The following FAM163A variants were observed in gnomAD, a reference collection of about 807,000 sequenced individuals.
The protein encoded by FAM163A is protein FAM163A.
Under a neutral mutation model 12.0 loss-of-function variants are expected in FAM163A, and 7 were observed. The ratio of observed to expected loss-of-function variants is 0.58; its 90% CI spans 0.33 to 1.10. The LOEUF is 1.10. Ranked by LOEUF, FAM163A falls within the 50% of genes least tolerant of loss-of-function variation. The pLI is 0.03. For synonymous variants in FAM163A, 101 were observed against 91.0 expected (o/e 1.11, Z -0.62); for missense variants, 202 against 218.6 (o/e 0.92, Z 0.48).
intron 1 of FAM163A, among the ~76,000 whole-genome samples, chr1:179,752,857 A>G (rs566803977): frequency 6.6e-6 from 1 of 152,312 alleles, no homozygotes; most frequent in African/African-American, 2.4e-5. Flanking sequence ...GGGATGTAAA[A>G]TGGTGCAGTC....
chr1:179,757,647 A>G (rs1271540558), intron 1 of FAM163A, among the ~76,000 whole-genome samples: 1 of 152,180 alleles, frequency 6.6e-6, no homozygotes, highest in Non-Finnish European at 1.5e-5. Context: ...CTCCATCTCT[A>G]TTAAAAATAC....
chr1:179,755,136 C>CAAAA (rs35201060), intron 1 of FAM163A, among the ~76,000 whole-genome samples: 18 of 109,436 alleles, frequency 1.6e-4, no homozygotes, highest in African/African-American at 4.9e-4. Context: ...GACTCTGCCT[C>CAAAA]AAAAAAAAAA....
At chr1:179,766,099 A>C (rs1402766811) in intron 1 of FAM163A, among the ~76,000 whole-genome samples, 1 of 152,132 alleles carries the variant, frequency 6.6e-6, no homozygotes, top group Non-Finnish European at 1.5e-5. Context: ...TCAGAAGCAC[A>C]AGTTTTTCTC....
At chr1:179,798,771 G>T (rs1040120546) in intron 1 of FAM163A, among the ~76,000 whole-genome samples, 1 of 152,186 alleles carries the variant, frequency 6.6e-6, no homozygotes, top group African/African-American at 2.4e-5. Context: ...CTCCCTGCAC[G>T]ATGTGGGTGG....
chr1:179,729,233 A>G, the FAM163A span, among the ~76,000 whole-genome samples: 1 of 152,200 alleles, frequency 6.6e-6, no homozygotes, highest in Non-Finnish European at 1.5e-5. Context: ...ATTGCCTTGC[A>G]TTGCCATATA....
intron 1 of FAM163A, among the ~76,000 whole-genome samples, chr1:179,767,845 A>T (rs1687719816): frequency 6.6e-6 from 1 of 152,220 alleles, no homozygotes; most frequent in African/African-American, 2.4e-5. Flanking sequence ...TAAAAAATTT[A>T]TTGTGGTTAA....
At chr1:179,728,577 A>G in the FAM163A span, among the ~76,000 whole-genome samples, 2 of 152,074 alleles carry the variant, frequency 1.3e-5, no homozygotes, top group Non-Finnish European at 2.9e-5. Context: ...TGGTCTCCAG[A>G]TGGGTTTTCT....
chr1:179,758,974 C>T (rs756268273), intron 1 of FAM163A, among the ~76,000 whole-genome samples: 4 of 152,202 alleles, frequency 2.6e-5, no homozygotes, highest in African/African-American at 4.8e-5. Context: ...ATCCATGCAT[C>T]GATTTTTCCA....
intron 1 of FAM163A, among the ~76,000 whole-genome samples, chr1:179,786,088 T>G (rs896812878): frequency 2.0e-5 from 3 of 151,928 alleles, no homozygotes; most frequent in Non-Finnish European, 4.4e-5. Context: ...CCCACTCCCT[T>G]GCCAAAAAGG....
At chr1:179,794,489 A>G (rs529348399) in intron 1 of FAM163A, among the ~76,000 whole-genome samples, 28 of 152,296 alleles carry the variant, frequency 1.8e-4, no homozygotes, top group Admixed American at 3.3e-4. Context: ...TTAAACTAGC[A>G]TCCTGGCATC....
chr1:179,780,344 G>A (rs1365729488), intron 1 of FAM163A, among the ~76,000 whole-genome samples: 1 of 152,194 alleles, frequency 6.6e-6, no homozygotes, highest in Non-Finnish European at 1.5e-5. Flanking sequence ...GTGTGAAATG[G>A]AAAATTTTGA....
chr1:179,754,163 T>C (rs1685687110), intron 1 of FAM163A, among the ~76,000 whole-genome samples: 1 of 152,108 alleles, frequency 6.6e-6, no homozygotes, highest in African/African-American at 2.4e-5. Context: ...AGCCTTTCCA[T>C]GACTCAGTGC....
intron 1 of FAM163A, among the ~76,000 whole-genome samples, chr1:179,748,368 C>A (rs1684805771): frequency 6.6e-6 from 1 of 152,074 alleles, no homozygotes; most frequent in Admixed American, 6.5e-5. Context: ...CAGAACCCAG[C>A]AAGGAGAGGT....
chr1:179,798,430 T>A (rs1692685159), intron 1 of FAM163A, among the ~76,000 whole-genome samples: 1 of 152,210 alleles, frequency 6.6e-6, no homozygotes, highest in Non-Finnish European at 1.5e-5. Context: ...GAGCTGCCTC[T>A]GGATGGCCCC....
chr1:179,790,213 ACTTC>A (rs1691237456), intron 1 of FAM163A, among the ~76,000 whole-genome samples: 1 of 134,328 alleles, frequency 7.4e-6, no homozygotes. Context: ...ATAACAGCTG[ACTTC>A]CTTTTTTTTT....
At chr1:179,812,684 G>C (rs370664467) in intron 3 of FAM163A, among the ~76,000 whole-genome samples, 2 of 152,190 alleles carry the variant, frequency 1.3e-5, no homozygotes, top group African/African-American at 4.8e-5. Context: ...GGGTTATCGC[G>C]AGGATGTAGT....
intron 2 of FAM163A, among the ~76,000 whole-genome samples, chr1:179,808,701 C>A (rs990571093): frequency 2.6e-5 from 4 of 152,210 alleles, no homozygotes; most frequent in Non-Finnish European, 4.4e-5. Context: ...AGTTACAGGC[C>A]ACACCCATAC....
intron 1 of FAM163A, among the ~76,000 whole-genome samples, chr1:179,768,146 G>A (rs775143514): frequency 7.2e-5 from 11 of 152,168 alleles, no homozygotes; most frequent in African/African-American, 1.4e-4. Context: ...ATGTCTGTCC[G>A]TGCTGTAGCA....
rs765032981 is a variant in FAM163A at position 179,780,468 on chromosome 1, C to T, written c.-135-27330C>T. The stretch of plus-strand genomic sequence containing the variant: ...GAAGTGAAATTGAAACAAAGCCAAA[C>T]GCATAAGCTCGGTGATCGTTCTTCC... On this transcript the variant is annotated intron_variant, in intron 1 of 4. Transcript: ENST00000341785. 5.3e-5 allele frequency among the ~76,000 whole-genome samples: 8 copies of T among 152,324 alleles called. No homozygotes were observed. In the Middle Eastern group the frequency reaches 0.017, roughly 324 times the overall value.
Sources: gnomAD v4.1 joint callset for allele counts (sites outside exome capture counted in the v4.1 genomes callset) on GRCh38, gnomAD v4.1.1 for gene constraint, MANE v1.5 for transcripts, NCBI Gene and HGNC (gene_info 2026-07-23, HGNC 2026-07-21) for gene names.